Variants in TTLL9 observed in about 807,000 individuals in gnomAD.
The protein encoded by TTLL9 is probable tubulin polyglutamylase TTLL9.
Under a neutral mutation model 65.6 loss-of-function variants are expected in TTLL9, and 47 were observed. The ratio of observed to expected loss-of-function variants is 0.72; its 90% confidence interval spans 0.57 to 0.91. The LOEUF (loss-of-function observed/expected upper bound fraction) is 0.91, where lower values mean the gene tolerates loss of function less well. TTLL9 is among the 40% of genes least tolerant of loss of function. The probability of loss-of-function intolerance (pLI) is 0.00; values close to 1 mark genes in which losing one functional copy is unlikely to be tolerated. For missense variants in TTLL9, 537 were observed against 568.8 expected (o/e 0.94, Z 0.57); for synonymous variants, 179 against 204.8 (o/e 0.87, Z 1.07).
chr20:31,939,397 T>C, intron 14 of TTLL9, 131 bp downstream of exon 14: 1 of 1,084,436 alleles, frequency 9.2e-7, no homozygotes, highest in Non-Finnish European at 1.3e-6. Context: ...TGTGTGACCT[T>C]GGGCAAGGGA....
intron 6 of TTLL9, among the ~76,000 whole-genome samples, chr20:31,911,085 G>A (rs948688016): frequency 1.3e-5 from 2 of 152,086 alleles, no homozygotes; most frequent in African/African-American, 4.8e-5. Flanking sequence ...GGAGGCAGGA[G>A]AATTGCTTGA....
chr20:31,874,503 C>T (rs1198646282), intron 2 of TTLL9, among the ~76,000 whole-genome samples: 1 of 151,430 alleles, frequency 6.6e-6, no homozygotes, highest in African/African-American at 2.4e-5. Flanking sequence ...CCTCTGCTTC[C>T]CAGGTTCAAG....
chr20:31,944,079 T>A lies in TTLL9; in HGVS notation c.*1058T>A. On this transcript the variant is annotated 3_prime_UTR_variant, in exon 15 of 15. Coordinates refer to ENST00000535842, the MANE Select transcript of TTLL9 (RefSeq NM_001008409.5). ...GGAAAATACTGGCAAATCCAAGAAG[T>A]GAACCAGCCGACTTTAGGAAAGCCA... is the stretch of plus-strand genomic sequence containing the variant. The A allele has an allele frequency of 3.0e-6, 1 of 332,112 alleles. No homozygotes were observed. The highest frequency in any genetic ancestry group is 2.4e-5 in the South Asian group (1 of 40,838). 20.6% of individuals were successfully genotyped at this position (332,112 alleles called of 1,614,324 possible).
intron 3 of TTLL9, among the ~76,000 whole-genome samples, chr20:31,896,305 C>G (rs761881127): frequency 6.6e-6 from 1 of 152,164 alleles, no homozygotes; most frequent in Non-Finnish European, 1.5e-5. Context: ...CAGGGTTTGA[C>G]ACAAGTGATT....
intron 11 of TTLL9, 178 bp from the exon 12 acceptor site, chr20:31,934,514 A>G (rs1183961223): frequency 1.5e-6 from 1 of 669,330 alleles, no homozygotes; most frequent in East Asian, 2.7e-5. Flanking sequence ...CTTAGACATG[A>G]AGAATTTTTG....
intron 6 of TTLL9, among the ~76,000 whole-genome samples, chr20:31,914,111 T>C (rs991267465): frequency 5.9e-5 from 9 of 152,240 alleles, no homozygotes; most frequent in Admixed American, 6.5e-5. Context: ...GGGGGCCTAT[T>C]TCCAAACTGC....
At chr20:31,879,843 C>G in intron 2 of TTLL9, 1 of 1,549,900 alleles carries the variant, frequency 6.5e-7, no homozygotes. Context: ...ACGCGAGGCG[C>G]GCGGTGGCGG....
At chr20:31,928,758 G>T (rs572036137) in intron 10 of TTLL9, among the ~76,000 whole-genome samples, 26 of 152,160 alleles carry the variant, frequency 1.7e-4, no homozygotes, top group Non-Finnish European at 2.4e-4. Flanking sequence ...AGATGATTAA[G>T]TGAAAAACAA....
chr20:31,879,861 C>T, intron 2 of TTLL9: 1 of 1,550,362 alleles, frequency 6.5e-7, no homozygotes. Flanking sequence ...CGGTTTGGAT[C>T]TGGCCCCTGG....
At chr20:31,920,296 C>T (rs556472227) in intron 7 of TTLL9, among the ~76,000 whole-genome samples, 6 of 152,168 alleles carry the variant, frequency 3.9e-5, no homozygotes, top group African/African-American at 4.8e-5. Flanking sequence ...TGGCACTCAG[C>T]GCTCGATGCA....
rs190662510 is a variant in TTLL9, at chr20:31,887,311, T to A, written c.113+72T>A. ...CTCCCTCCCTCCCCTTTTCAATCCC[T>A]CTCTCCCTTTTCTACTTCAACAATT... is the stretch of plus-strand genomic sequence containing the variant. On this transcript the variant is annotated intron_variant, in intron 3 of 14. Transcript: ENST00000535842. 4.1e-3 allele frequency: 6,188 copies of A among 1,491,926 alleles called. 24 individuals are homozygous for A. The highest frequency in any genetic ancestry group is 5.3e-3 in the Non-Finnish European group (5,627 of 1,071,004). The allele number at this position is 1,491,926 out of a possible 1,614,324, so 92.4% of individuals were successfully genotyped here.
At chr20:31,885,479 CAT>C (rs905300906) in intron 2 of TTLL9, among the ~76,000 whole-genome samples, 22 of 152,076 alleles carry the variant, frequency 1.4e-4, no homozygotes, top group Non-Finnish European at 2.5e-4. Flanking sequence ...ACTGGATAAA[CAT>C]ATGGAAAATG....
chr20:31,872,513 C>CAAA (rs370298785), intron 2 of TTLL9, among the ~76,000 whole-genome samples: 1 of 118,472 alleles, frequency 8.4e-6, no homozygotes, highest in Non-Finnish European at 1.9e-5. Flanking sequence ...CCTGCTTTTA[C>CAAA]AAAAAAAAAA....
At chr20:31,933,980 AG>A in intron 11 of TTLL9, 122 bp downstream of exon 11, 1 of 1,017,228 alleles carries the variant, frequency 9.8e-7, no homozygotes, top group Non-Finnish European at 1.4e-6. Flanking sequence ...CCAGTGAGGC[AG>A]GCCTACCCAT....
At chr20:31,871,666 C>T (rs904220691) in intron 2 of TTLL9, among the ~76,000 whole-genome samples, 7 of 152,080 alleles carry the variant, frequency 4.6e-5, no homozygotes, top group Non-Finnish European at 8.8e-5. Flanking sequence ...GGCTGCCCGT[C>T]TCAGCTCTCA....
chr20:31,903,056 G>T, intron 4 of TTLL9, among the ~76,000 whole-genome samples: 1 of 151,732 alleles, frequency 6.6e-6, no homozygotes, highest in Non-Finnish European at 1.5e-5. Context: ...TTTTTGGAGA[G>T]ATGGGGTCTC....
Position 31,933,863 on chromosome 20 carries a change from G to A in TTLL9, c.807+5G>A. ...CCCGACTACCACCCAAAGAAGGTGA[G>A]GAAGCCGGGCTCGGCTATGCACGGG... On this transcript the variant is annotated splice_donor_5th_base_variant and intron_variant, in intron 11 of 14. Transcript: ENST00000535842. 6.2e-7 allele frequency: 1 copy of A among 1,613,854 alleles called. No individual in the cohort carries two copies. The highest frequency in any genetic ancestry group is 2.2e-5 in the East Asian group (1 of 44,874).
intron 6 of TTLL9, among the ~76,000 whole-genome samples, chr20:31,916,954 C>T (rs1339184872): frequency 6.6e-6 from 1 of 152,112 alleles, no homozygotes; most frequent in Non-Finnish European, 1.5e-5. Flanking sequence ...TCTTTCTAGC[C>T]TCCCTCATGA....
intron 3 of TTLL9, among the ~76,000 whole-genome samples, chr20:31,894,446 C>G (rs1237437113): frequency 2.0e-5 from 3 of 151,942 alleles, no homozygotes; most frequent in Non-Finnish European, 4.4e-5. Context: ...TCCATCTTTT[C>G]CCATAAATCC....
Sources: gnomAD v4.1 joint callset for allele counts (sites outside exome capture counted in the v4.1 genomes callset) on GRCh38, gnomAD v4.1.1 for gene constraint, MANE v1.5 for transcripts, NCBI Gene and HGNC (gene_info 2026-07-23, HGNC 2026-07-21) for gene names.